The following PIK3C2G variants were observed in gnomAD, a reference collection of about 807,000 sequenced individuals.
The protein encoded by PIK3C2G is phosphatidylinositol-4-phosphate 3-kinase catalytic subunit type 2 gamma.
Under a neutral mutation model 181.1 loss-of-function variants are expected in PIK3C2G, and 168 were observed. That is an observed-to-expected ratio of 0.93 (90% CI 0.82 to 1.05). The LOEUF is 1.05. Among genes scored for constraint, PIK3C2G ranks in the 50% least tolerant of loss-of-function variants. PIK3C2G has a pLI of 0.00. For synonymous variants in PIK3C2G, 573 were observed against 592.2 expected (o/e 0.97, Z 0.47); for missense variants, 1,869 against 1,732.8 (o/e 1.08, Z -1.40).
At chr12:18,409,170 A>G (rs1349276479) in intron 16 of PIK3C2G, among the ~76,000 whole-genome samples, 5 of 152,174 alleles carry the variant, frequency 3.3e-5, no homozygotes, top group South Asian at 4.1e-4. Flanking sequence ...ATGATAGATT[A>G]GATAAAGAAA....
rs775043673 is a variant in PIK3C2G, at chr12:18,313,953, C to G, written c.1035-9C>G. 1 of 1,456,406 alleles carries G rather than the reference C, an allele frequency of 6.9e-7. No individual in the cohort carries two copies. The highest frequency in any genetic ancestry group is 9.5e-7 in the Non-Finnish European group (1 of 1,052,174). 90.2% of individuals were successfully genotyped at this position (1,456,406 alleles called of 1,614,324 possible). ...AGGATATGATTGTGTTCATTTTTTC[C>G]TCCTTCAGCGACCACTGTTTGGGGA... On this transcript the variant is annotated splice_polypyrimidine_tract_variant and intron_variant, in intron 5 of 32. Transcript: ENST00000538779.
the PIK3C2G span, among the ~76,000 whole-genome samples, chr12:18,671,108 T>C: frequency 6.7e-6 from 1 of 149,166 alleles, no homozygotes; most frequent in East Asian, 2.0e-4. Context: ...GCCTGGGAAG[T>C]GGAGGTGACA....
At chr12:18,448,277 CTGTT>C (rs1316785350) in intron 18 of PIK3C2G, among the ~76,000 whole-genome samples, 10 of 151,932 alleles carry the variant, frequency 6.6e-5, no homozygotes, top group Middle Eastern at 6.8e-3. Flanking sequence ...TAATTCATTT[CTGTT>C]TGTTTTTATT....
intron 15 of PIK3C2G, among the ~76,000 whole-genome samples, chr12:18,398,475 T>C (rs1233292569): frequency 2.6e-5 from 4 of 152,180 alleles, no homozygotes; most frequent in East Asian, 1.9e-4. Context: ...TAGAGAAAGA[T>C]AGACCTTTAA....
chr12:18,573,327 A>G (rs1160199967), intron 29 of PIK3C2G, among the ~76,000 whole-genome samples: 2 of 152,166 alleles, frequency 1.3e-5, no homozygotes, highest in African/African-American at 2.4e-5. Flanking sequence ...GTTCATCCTT[A>G]TTCCTCAGAT....
In PIK3C2G at chr12:18,396,384, T is replaced by C. The variant is rs146760849; in HGVS notation, c.2127-3275T>C. Among the ~76,000 whole-genome samples, 9 of 151,798 alleles carry C rather than the reference T, an allele frequency of 5.9e-5. No homozygotes were observed. The East Asian group carries it at 1.2e-3, about 20-fold the overall frequency. On this transcript the variant is annotated intron_variant, in intron 15 of 32. Coordinates refer to ENST00000538779, the MANE Select transcript of PIK3C2G (RefSeq NM_001288772.2). ...TTTCTCAACCTTGAAAAGTGATCTA[T>C]GAAAAGTTTATAGTTAGTATCATGT...
chr12:18,607,880 G>A (rs1948120247), intron 30 of PIK3C2G, among the ~76,000 whole-genome samples: 1 of 152,106 alleles, frequency 6.6e-6, no homozygotes, highest in Non-Finnish European at 1.5e-5. Flanking sequence ...CCATCAACAA[G>A]TGGGCGAAGA....
chr12:18,689,928 C>A, the PIK3C2G span, among the ~76,000 whole-genome samples: 3 of 152,084 alleles, frequency 2.0e-5, no homozygotes, highest in Non-Finnish European at 4.4e-5. Context: ...ATAGAGGCAA[C>A]AGAGAAAGAC....
chr12:18,280,677 C>A (rs1460761409), intron 1 of PIK3C2G, among the ~76,000 whole-genome samples: 1 of 151,868 alleles, frequency 6.6e-6, no homozygotes, highest in African/African-American at 2.4e-5. Context: ...AATGGGGAAC[C>A]ACTGAAAAAC....
chr12:18,683,221 G>A, the PIK3C2G span: 5 of 1,588,878 alleles, frequency 3.1e-6, no homozygotes, highest in Non-Finnish European at 4.3e-6. Context: ...CTAATGATAT[G>A]TCATTTATCA....
At chr12:18,282,984 T>G (rs1374443214) in intron 2 of PIK3C2G, among the ~76,000 whole-genome samples, 1 of 152,144 alleles carries the variant, frequency 6.6e-6, no homozygotes, top group Non-Finnish European at 1.5e-5. Context: ...AGTTCCAGTT[T>G]CATCAAAACT....
intron 32 of PIK3C2G, among the ~76,000 whole-genome samples, chr12:18,645,205 C>A (rs1217376418): frequency 6.6e-6 from 1 of 151,906 alleles, no homozygotes; most frequent in Non-Finnish European, 1.5e-5. Context: ...ATATTAAATC[C>A]TTTGACGAAA....
At chr12:18,550,454 G>A (rs1054535427) in intron 26 of PIK3C2G, among the ~76,000 whole-genome samples, 1 of 151,810 alleles carries the variant, frequency 6.6e-6, no homozygotes, top group Non-Finnish European at 1.5e-5. Flanking sequence ...ATTTTGTGCT[G>A]TGTTCCCTGA....
chr12:18,426,129 A>T (rs1592229770), intron 18 of PIK3C2G, among the ~76,000 whole-genome samples: 1 of 152,206 alleles, frequency 6.6e-6, no homozygotes, highest in Non-Finnish European at 1.5e-5. Flanking sequence ...TCATAGATGC[A>T]TCATTTTTGA....
intron 24 of PIK3C2G, among the ~76,000 whole-genome samples, chr12:18,527,559 T>C (rs1166530027): frequency 1.3e-5 from 2 of 152,172 alleles, no homozygotes; most frequent in Non-Finnish European, 2.9e-5. Context: ...TATAGCATTG[T>C]TAATGTTTTC....
At chr12:18,582,173 G>A (rs1464253522) in intron 29 of PIK3C2G, among the ~76,000 whole-genome samples, 1 of 152,112 alleles carries the variant, frequency 6.6e-6, no homozygotes, top group Non-Finnish European at 1.5e-5. Context: ...GAAGGGGCAA[G>A]GAAATACAGC....
the PIK3C2G span, chr12:18,696,059 G>T: frequency 4.3e-6 from 3 of 696,942 alleles, no homozygotes; most frequent in South Asian, 1.6e-5. Context: ...ATCTTTTACA[G>T]AAAGCCCTTT....
the PIK3C2G span, among the ~76,000 whole-genome samples, chr12:18,702,895 A>C: frequency 7.1e-6 from 1 of 140,730 alleles, no homozygotes. Flanking sequence ...ATCTCAGCTC[A>C]CTGCAACCTC....
At chr12:18,613,349 T>C (rs934021615) in intron 31 of PIK3C2G, among the ~76,000 whole-genome samples, 1 of 152,008 alleles carries the variant, frequency 6.6e-6, no homozygotes, top group Non-Finnish European at 1.5e-5. Flanking sequence ...TCAGGAAAGA[T>C]AGAAGACAAC....
Sources: allele counts gnomAD v4.1 joint callset (sites outside exome capture counted in the v4.1 genomes callset), GRCh38; gene constraint gnomAD v4.1.1; transcripts MANE v1.5; gene names NCBI Gene and HGNC (gene_info 2026-07-23, HGNC 2026-07-21).